GUCA1C: variants seen among roughly 807,000 people sequenced by gnomAD.
The protein encoded by GUCA1C is guanylyl cyclase-activating protein 3.
Under a neutral mutation model 16.2 loss-of-function variants are expected in GUCA1C, and 15 were observed. The observed-to-expected ratio is 0.93, with a 90% CI of 0.62 to 1.43. The LOEUF (loss-of-function observed/expected upper bound fraction) is 1.43. Ranked by LOEUF, GUCA1C falls within the 40% of genes most tolerant of loss-of-function variation. The probability of loss-of-function intolerance (pLI) is 0.00; values close to 1 mark genes in which losing one functional copy is unlikely to be tolerated. For missense variants in GUCA1C, 275 were observed against 244.8 expected, an observed-to-expected ratio of 1.12 and a Z score of -0.82; for synonymous variants, 78 against 85.4, an observed-to-expected ratio of 0.91 and a Z score of 0.48.
chr3:108,945,786 T>C (rs1372169575), intron 1 of GUCA1C, among the ~76,000 whole-genome samples: 1 of 152,208 alleles, frequency 6.6e-6, no homozygotes. Context: ...GTAATTAAGA[T>C]GCTTATTCTT....
At position 108,918,135 on chromosome 3, in the gene GUCA1C, G is replaced by T. The variant is rs2715690; in HGVS notation, c.355-1921C>A. 1.5e-3 allele frequency among the ~76,000 whole-genome samples: 228 copies of T among 152,332 alleles called. 1 individual carries two copies. Among genetic ancestry groups the T allele is most frequent in the African/African-American group, 5.2e-3 (217 of 41,568 alleles). On this transcript the variant is annotated intron_variant, in intron 2 of 3. Transcript: ENST00000261047. ...GTTCAGGGCTGTCCTGTGCACCGTT[G>T]AATACTTAGCGGCATCCCTGGTCTC...
intron 3 of GUCA1C, 30 bp from the exon 4 acceptor site, chr3:108,908,239 C>G: frequency 6.8e-7 from 1 of 1,459,978 alleles, no homozygotes; most frequent in Non-Finnish European, 9.6e-7. Flanking sequence ...TAATAAGAGG[C>G]TTTGTCTATA....
chr3:108,940,678 G>C (rs1946776681), intron 1 of GUCA1C, among the ~76,000 whole-genome samples: 1 of 152,190 alleles, frequency 6.6e-6, no homozygotes, highest in Non-Finnish European at 1.5e-5. Context: ...CCTTTCGTTT[G>C]GAAATACAAG....
chr3:108,951,839 G>T (rs1946899147), intron 1 of GUCA1C, among the ~76,000 whole-genome samples: 1 of 152,130 alleles, frequency 6.6e-6, no homozygotes, highest in Admixed American at 6.5e-5. Flanking sequence ...TCACACCAAG[G>T]ACACACACAC....
At chr3:108,936,994 C>T (rs768314035) in intron 1 of GUCA1C, among the ~76,000 whole-genome samples, 3 of 152,114 alleles carry the variant, frequency 2.0e-5, no homozygotes, top group African/African-American at 7.2e-5. Flanking sequence ...ATCCTTAGCC[C>T]TCTGCCACCC....
At chr3:108,911,967 G>A (rs1277965898) in intron 3 of GUCA1C, among the ~76,000 whole-genome samples, 320 of 151,638 alleles carry the variant, frequency 2.1e-3, no homozygotes, top group Non-Finnish European at 2.9e-3. Flanking sequence ...TTAGCCGGGC[G>A]TAGTGGTGGG....
chr3:108,930,481 C>G (rs1946657334), intron 1 of GUCA1C, among the ~76,000 whole-genome samples: 1 of 152,208 alleles, frequency 6.6e-6, no homozygotes, highest in Non-Finnish European at 1.5e-5. Context: ...CACAATATTT[C>G]AGATGTTGGA....
At chr3:108,923,780 T>C (rs1431937693) in intron 1 of GUCA1C, among the ~76,000 whole-genome samples, 1 of 152,246 alleles carries the variant, frequency 6.6e-6, no homozygotes, top group East Asian at 1.9e-4. Context: ...TACTCATCCA[T>C]GAGCATGGGG....
At position 108,953,691 on chromosome 3, in the gene GUCA1C, T is replaced by TCTGTACCA. The variant is rs766193589; in HGVS notation, c.64_71dup (p.Arg24SerfsTer7). ...CGGATGGATATTCCATCATAAATGT[T>TCTGTACCA]CTGTACCACACATGGGTCTCTTGTG... On this transcript the variant is annotated frameshift_variant, in exon 1 of 4. Transcript: ENST00000261047. LOFTEE classifies it high-confidence loss of function. The TCTGTACCA allele has an allele frequency of 3.7e-6, 6 of 1,613,086 alleles. No homozygotes were observed. The South Asian group carries it at 6.6e-5, about 18-fold the overall frequency.
intron 3 of GUCA1C, among the ~76,000 whole-genome samples, chr3:108,910,211 C>T (rs552095451): frequency 7.9e-5 from 12 of 152,240 alleles, no homozygotes; most frequent in Admixed American, 2.6e-4. Flanking sequence ...AAGAATCTAC[C>T]AGCAAGGCCG....
At chr3:108,937,633 G>C (rs1466247259) in intron 1 of GUCA1C, among the ~76,000 whole-genome samples, 3 of 152,128 alleles carry the variant, frequency 2.0e-5, no homozygotes, top group African/African-American at 7.2e-5. Flanking sequence ...ATAATTACTG[G>C]TGTTGATGTA....
intron 1 of GUCA1C, among the ~76,000 whole-genome samples, chr3:108,938,424 C>T (rs1263710560): frequency 6.6e-6 from 1 of 151,942 alleles, no homozygotes; most frequent in Non-Finnish European, 1.5e-5. Flanking sequence ...AGTAAGGAAA[C>T]CCAGACGGCT....
chr3:108,918,475 T>C (rs978560236), intron 2 of GUCA1C, among the ~76,000 whole-genome samples: 18 of 152,320 alleles, frequency 1.2e-4, no homozygotes, highest in Admixed American at 4.6e-4. Flanking sequence ...TTCTCACTCA[T>C]GACTCAGACA....
chr3:108,940,847 C>T (rs1284688891), intron 1 of GUCA1C, among the ~76,000 whole-genome samples: 3 of 152,158 alleles, frequency 2.0e-5, no homozygotes, highest in Non-Finnish European at 2.9e-5. Context: ...ATGAGCTCAA[C>T]GATAATGCAG....
At chr3:108,950,916 G>T (rs111255120) in intron 1 of GUCA1C, among the ~76,000 whole-genome samples, 5 of 152,288 alleles carry the variant, frequency 3.3e-5, no homozygotes, top group African/African-American at 1.2e-4. Context: ...GGTGTCTCAT[G>T]ATATTACACA....
At chr3:108,915,808 A>C in intron 3 of GUCA1C, 1 of 361,994 alleles carries the variant, frequency 2.8e-6, no homozygotes, top group Non-Finnish European at 4.9e-6. Context: ...GTGGAGAGGA[A>C]CTGATTAATA....
At chr3:108,920,988 T>G (rs1012600925) in intron 1 of GUCA1C, among the ~76,000 whole-genome samples, 7 of 152,314 alleles carry the variant, frequency 4.6e-5, no homozygotes, top group Admixed American at 2.0e-4. Flanking sequence ...CCACTCTTTG[T>G]ATTTTACATT....
intron 1 of GUCA1C, among the ~76,000 whole-genome samples, chr3:108,942,625 C>T (rs1234733332): frequency 1.3e-5 from 2 of 152,200 alleles, no homozygotes; most frequent in African/African-American, 4.8e-5. Flanking sequence ...GGGGACCCTT[C>T]ACCATATTAC....
chr3:108,910,509 G>T (rs1468517833), intron 3 of GUCA1C, among the ~76,000 whole-genome samples: 1 of 151,100 alleles, frequency 6.6e-6, no homozygotes, highest in African/African-American at 2.4e-5. Context: ...AAAAAAAAAG[G>T]CAAAGATTCT....
Sources: gnomAD v4.1 joint callset for allele counts (sites outside exome capture counted in the v4.1 genomes callset) on GRCh38, gnomAD v4.1.1 for gene constraint, MANE v1.5 for transcripts, NCBI Gene and HGNC (gene_info 2026-07-23, HGNC 2026-07-21) for gene names.